Variants in TENT2 observed in about 807,000 individuals in gnomAD.
TENT2 encodes terminal nucleotidyltransferase 2.
TENT2 carries 44 observed loss-of-function variants against 72.2 expected under a neutral mutation model. The ratio of observed to expected loss-of-function variants is 0.61; its 90% confidence interval spans 0.48 to 0.78. The LOEUF (loss-of-function observed/expected upper bound fraction) is 0.78. Ranked by LOEUF, TENT2 falls within the 30% of genes least tolerant of loss-of-function variation. The probability of loss-of-function intolerance (pLI) is 0.00; values close to 1 mark genes in which losing one functional copy is unlikely to be tolerated. For synonymous variants in TENT2, 212 were observed against 192.5 expected (o/e 1.10, Z -0.84); for missense variants, 541 against 569.6 (o/e 0.95, Z 0.51).
At chr5:79,623,112 C>T (rs746307601) in intron 3 of TENT2, 140 bp from the exon 4 acceptor site, 30 of 529,744 alleles carry the variant, frequency 5.7e-5, no homozygotes, top group Non-Finnish European at 8.5e-5. Context: ...TTTTAAGATC[C>T]ATATAAAGCT....
chr5:79,623,377 C>T lies in TENT2; in HGVS notation c.353C>T (p.Pro118Leu), dbSNP rs1766697777. The change falls in exon 4 of 15, where the codon CCA becomes CTA. Residue 118 changes from proline (P) to leucine (L), a missense_variant. Pro to Leu is a moderately conservative substitution (Grantham distance 98). Transcript: ENST00000453514. ...PLSGERRYSM[P>L]PLFHTHYVPD... ...TCAGGTGAACGAAGATACTCAATGC[C>T]ACCATTGTTTCATACACATTATGTA... The T allele has an allele frequency of 6.2e-7, 1 of 1,613,320 alleles. No homozygotes were observed. Among genetic ancestry groups the T allele is most frequent in the Non-Finnish European group, 8.5e-7 (1 of 1,179,648 alleles).
At chr5:79,654,700 G>A (rs1329706582) in intron 10 of TENT2, among the ~76,000 whole-genome samples, 1 of 151,964 alleles carries the variant, frequency 6.6e-6, no homozygotes, top group Non-Finnish European at 1.5e-5. Flanking sequence ...GGAGGTGGAG[G>A]CTGCAGTGAG....
chr5:79,666,475 A>G (rs1808097876), intron 11 of TENT2, among the ~76,000 whole-genome samples: 1 of 151,244 alleles, frequency 6.6e-6, no homozygotes, highest in Non-Finnish European at 1.5e-5. Flanking sequence ...CAGCCTCCTG[A>G]GTACCTGGAA....
In TENT2 at chr5:79,645,154, A is replaced by G. The variant is rs1272541902; in HGVS notation, c.783A>G (p.Arg261=). The G allele has an allele frequency of 6.2e-7, 1 of 1,609,016 alleles. No homozygotes were observed. The highest frequency in any genetic ancestry group is 8.5e-7 in the Non-Finnish European group (1 of 1,177,922). ...SGYIERPQLI[R]AKVPIVKFRD... ...ACATTGAGAGACCTCAGCTGATTCG[A>G]GCAAAAGTGCCAATTGTGAAGTTCA... The change falls in exon 8 of 15, where the codon CGA becomes CGG. Residue 261 remains arginine (R), a synonymous_variant. Coordinates refer to ENST00000453514, the MANE Select transcript of TENT2 (RefSeq NM_001114394.3).
intron 8 of TENT2, among the ~76,000 whole-genome samples, chr5:79,647,597 T>C (rs1476991344): frequency 1.3e-5 from 2 of 152,208 alleles, no homozygotes; most frequent in Non-Finnish European, 2.9e-5. Flanking sequence ...AGATTTTCTT[T>C]TGTTCCACCA....
chr5:79,677,048 G>A (rs1433800572), intron 12 of TENT2, among the ~76,000 whole-genome samples: 2 of 152,076 alleles, frequency 1.3e-5, no homozygotes, highest in African/African-American at 2.4e-5. Flanking sequence ...TGGGCTTGTC[G>A]ACAAAGCCCT....
At chr5:79,677,652 T>C (rs1047637783) in intron 12 of TENT2, among the ~76,000 whole-genome samples, 9 of 152,234 alleles carry the variant, frequency 5.9e-5, no homozygotes, top group African/African-American at 1.9e-4. Flanking sequence ...GTTAATAAAT[T>C]TGACTTAACT....
intron 5 of TENT2, 24 bp downstream of exon 5, chr5:79,640,989 C>T: frequency 6.5e-7 from 1 of 1,546,896 alleles, no homozygotes. Flanking sequence ...TTTTGCATGT[C>T]CTTTAGGTAT....
In TENT2 at chr5:79,664,594, CAAAA is replaced by C. The variant is rs369492064; in HGVS notation, c.1072-4285_1072-4282del. 5.7e-3 allele frequency among the ~76,000 whole-genome samples: 542 copies of C among 95,638 alleles called. 1 individual carries two copies. Among genetic ancestry groups the C allele is most frequent in the Non-Finnish European group, 9.6e-3 (398 of 41,442 alleles). The allele number at this position is 95,638 out of a possible 152,430, so 62.7% of individuals were successfully genotyped here. A position where few individuals can be genotyped will look rare whatever the true frequency, so the allele number is the denominator to read the frequency against. ...TGGGTGACAGAGTCTCACTCTGTCT[CAAAA>C]AAAAAAAAAAAAGAGGTTAACAAAT... is the stretch of plus-strand genomic sequence containing the variant. On this transcript the variant is annotated intron_variant, in intron 11 of 14. Transcript: ENST00000453514.
intron 9 of TENT2, 75 bp downstream of exon 9, chr5:79,648,768 G>GA: frequency 8.8e-7 from 1 of 1,134,064 alleles, no homozygotes; most frequent in Non-Finnish European, 1.3e-6. Context: ...GGCATAAATA[G>GA]TGACATCTCT....
chr5:79,675,337 G>A lies in TENT2; in HGVS notation c.1209-4242G>A, dbSNP rs79161566. Among the ~76,000 whole-genome samples the A allele has an allele frequency of 5.8e-4, 89 of 152,328 alleles. 2 individuals are homozygous for A. The East Asian group carries it at 0.014, about 24-fold the overall frequency. On this transcript the variant is annotated intron_variant, in intron 12 of 14. Coordinates refer to ENST00000453514, the MANE Select transcript of TENT2 (RefSeq NM_001114394.3). ...CACAGGTAAATGTAGCTGAATCAGT[G>A]TGGTTGGAGCTAGTAGGAATTATCT... is the stretch of plus-strand genomic sequence containing the variant.
At chr5:79,660,948 C>G (rs1400137771) in intron 11 of TENT2, among the ~76,000 whole-genome samples, 2 of 151,508 alleles carry the variant, frequency 1.3e-5, no homozygotes, top group Non-Finnish European at 2.9e-5. Context: ...TGGGCCTAAG[C>G]TGATGTGTAT....
intron 4 of TENT2, among the ~76,000 whole-genome samples, chr5:79,625,910 C>T (rs1769268999): frequency 6.7e-6 from 1 of 149,238 alleles, no homozygotes; most frequent in Non-Finnish European, 1.5e-5. Context: ...GCTCACTGAA[C>T]CTCCACCTCC....
At chr5:79,619,434 G>A (rs181611064) in intron 1 of TENT2, among the ~76,000 whole-genome samples, 178 bp from the exon 2 acceptor site, 1 of 152,206 alleles carries the variant, frequency 6.6e-6, no homozygotes, top group African/African-American at 2.4e-5. Context: ...CTTAGATTTG[G>A]AATTTATTAT....
At chr5:79,617,147 T>G (rs1463600786) in intron 1 of TENT2, among the ~76,000 whole-genome samples, 1 of 151,540 alleles carries the variant, frequency 6.6e-6, no homozygotes, top group Non-Finnish European at 1.5e-5. Context: ...GAAAAAAGAA[T>G]AAAGCTTCTA....
chr5:79,621,594 T>C (rs1764841091), intron 3 of TENT2, among the ~76,000 whole-genome samples: 1 of 151,466 alleles, frequency 6.6e-6, no homozygotes, highest in Non-Finnish European at 1.5e-5. Context: ...CCATCTCTAC[T>C]AAAAATACAA....
chr5:79,639,808 A>G, intron 4 of TENT2, among the ~76,000 whole-genome samples: 1 of 152,318 alleles, frequency 6.6e-6, no homozygotes, highest in African/African-American at 2.4e-5. Context: ...TAAAGACCAC[A>G]TTATAGGAGT....
At chr5:79,614,323 C>CA (rs1197540638) in intron 1 of TENT2, among the ~76,000 whole-genome samples, 1 of 151,742 alleles carries the variant, frequency 6.6e-6, no homozygotes, top group Non-Finnish European at 1.5e-5. Flanking sequence ...GGCTGGTCTC[C>CA]AACTCCTGAC....
chr5:79,642,732 A>G, intron 6 of TENT2, 100 bp from the exon 7 acceptor site: 1 of 879,288 alleles, frequency 1.1e-6, no homozygotes, highest in South Asian at 1.7e-5. Context: ...TCCAAAGGAA[A>G]GTATATCTTG....
Sources: gnomAD v4.1 joint callset for allele counts (sites outside exome capture counted in the v4.1 genomes callset) on GRCh38, gnomAD v4.1.1 for gene constraint, MANE v1.5 for transcripts, NCBI Gene and HGNC (gene_info 2026-07-23, HGNC 2026-07-21) for gene names.